ACTL8: variants seen among roughly 807,000 people sequenced by gnomAD.
ACTL8 encodes actin-like protein 8.
Under a neutral mutation model 9.3 loss-of-function variants are expected in ACTL8, and 3 were observed. That is an observed-to-expected ratio of 0.32 (90% CI 0.15 to 0.83). ACTL8 has a LOEUF of 0.83. Ranked by LOEUF, ACTL8 falls within the 40% of genes least tolerant of loss-of-function variation. The pLI is 0.57. For missense variants in ACTL8, 381 were observed against 492.2 expected (o/e 0.77, Z 2.14); for synonymous variants, 224 against 205.9 (o/e 1.09, Z -0.75).
In ACTL8 at chr1:17,823,931, A is replaced by C. The variant is rs2053687353; in HGVS notation, c.348+575A>C. ...TGGAATATTTGCTTATGGATTCCAT[A>C]ATTGCTGATACAGGCCATGTTCTGG... On this transcript the variant is annotated intron_variant, in intron 2 of 2. Coordinates refer to ENST00000375406, the MANE Select transcript of ACTL8 (RefSeq NM_030812.3). The surrounding 1 kb of genome is among the most constrained non-coding windows in gnomAD (Gnocchi z 5.3). 6.6e-6 allele frequency among the ~76,000 whole-genome samples: 1 copy of C among 152,188 alleles called. No individual in the cohort carries two copies. Among genetic ancestry groups the C allele is most frequent in the Non-Finnish European group, 1.5e-5 (1 of 68,036 alleles).
chr1:17,822,546 G>T (rs1166223021), intron 1 of ACTL8, among the ~76,000 whole-genome samples: 1 of 152,164 alleles, frequency 6.6e-6, no homozygotes, highest in Non-Finnish European at 1.5e-5. Context: ...ATTACTGAAG[G>T]TGGTGGCTCT....
At chr1:17,785,025 C>G (rs2066185636) in intron 1 of ACTL8, among the ~76,000 whole-genome samples, 1 of 152,168 alleles carries the variant, frequency 6.6e-6, no homozygotes, top group South Asian at 2.1e-4. Flanking sequence ...CTTTCTAAAG[C>G]TGTCAGATCT....
chr1:17,774,096 TTCTG>T (rs1223158414), intron 1 of ACTL8, among the ~76,000 whole-genome samples: 1 of 152,184 alleles, frequency 6.6e-6, no homozygotes, highest in Non-Finnish European at 1.5e-5. Context: ...TAGCGCCACC[TTCTG>T]TCTCACACTT....
At chr1:17,775,651 C>T (rs555230991) in intron 1 of ACTL8, among the ~76,000 whole-genome samples, 1 of 152,358 alleles carries the variant, frequency 6.6e-6, no homozygotes, top group South Asian at 2.1e-4. Flanking sequence ...CCACGTCAGT[C>T]CTCATCCTGA....
At chr1:17,797,495 G>A (rs1007358886) in intron 1 of ACTL8, among the ~76,000 whole-genome samples, 1 of 152,230 alleles carries the variant, frequency 6.6e-6, no homozygotes, top group African/African-American at 2.4e-5. Flanking sequence ...GTGCATCGGA[G>A]GCATTGCGCT....
chr1:17,780,279 C>G (rs1163754496), intron 1 of ACTL8, among the ~76,000 whole-genome samples: 2 of 152,162 alleles, frequency 1.3e-5, no homozygotes, highest in Non-Finnish European at 2.9e-5. Context: ...TGGCATTAGC[C>G]TGGGAAGACC....
intron 1 of ACTL8, among the ~76,000 whole-genome samples, chr1:17,812,999 T>A (rs1006821134): frequency 1.3e-5 from 2 of 152,242 alleles, no homozygotes; most frequent in African/African-American, 2.4e-5. Flanking sequence ...AACTTGTATC[T>A]TGTGACTTAG....
chr1:17,772,611 C>T (rs1334066357), intron 1 of ACTL8, among the ~76,000 whole-genome samples: 3 of 152,198 alleles, frequency 2.0e-5, no homozygotes, highest in African/African-American at 7.2e-5. Flanking sequence ...TCATGCTGGA[C>T]CGGAGAGAGG....
intron 1 of ACTL8, among the ~76,000 whole-genome samples, chr1:17,788,862 T>A (rs1377460967): frequency 6.6e-6 from 1 of 152,124 alleles, no homozygotes; most frequent in Non-Finnish European, 1.5e-5. Flanking sequence ...TTTTAGTACA[T>A]CTGAGGTGGG....
rs969946240 is a variant in ACTL8, at chr1:17,776,052, A to C, written c.-25+20548A>C. Among the ~76,000 whole-genome samples, 4 of 152,326 alleles carry C rather than the reference A, an allele frequency of 2.6e-5. No homozygotes were observed. In the South Asian group the frequency reaches 8.3e-4, roughly 32 times the overall value. The stretch of plus-strand genomic sequence containing the variant: ...AAGTGAAGTCTCTCACCCAGGTCAC[A>C]TAGCCTGTAAATGATGGGGACAGGA... On this transcript the variant is annotated intron_variant, in intron 1 of 2. Transcript: ENST00000375406.
intron 1 of ACTL8, among the ~76,000 whole-genome samples, chr1:17,761,498 C>T (rs6676457): frequency 0.27 from 40,471 of 151,838 alleles, 6,134 homozygotes; most frequent in Admixed American, 0.37. Flanking sequence ...TTCATAGCTT[C>T]GACTTTAAAG....
intron 1 of ACTL8, among the ~76,000 whole-genome samples, chr1:17,757,472 G>A (rs2065975665): frequency 8.0e-6 from 1 of 125,060 alleles, no homozygotes; most frequent in Non-Finnish European, 1.7e-5. Flanking sequence ...GTCACTCTGA[G>A]CCCACCCCCC....
intron 1 of ACTL8, among the ~76,000 whole-genome samples, chr1:17,802,758 A>C (rs1363434006): frequency 6.6e-6 from 1 of 152,094 alleles, no homozygotes; most frequent in East Asian, 1.9e-4. Flanking sequence ...CAAGGCAGGC[A>C]GATCACTTGA....
intron 1 of ACTL8, among the ~76,000 whole-genome samples, chr1:17,770,878 G>A (rs1479637295): frequency 6.6e-6 from 1 of 152,180 alleles, no homozygotes; most frequent in Non-Finnish European, 1.5e-5. Flanking sequence ...GGGGAAGTGG[G>A]TAGGATACAG....
Position 17,802,420 on chromosome 1 carries a change from C to T in ACTL8, c.-24-20565C>T, listed in dbSNP as rs889449450. 4.9e-3 allele frequency among the ~76,000 whole-genome samples: 618 copies of T among 126,398 alleles called. 6 individuals carry two copies. The highest frequency in any genetic ancestry group is 0.018 in the African/African-American group (570 of 30,832). 82.9% of individuals were successfully genotyped at this position (126,398 alleles called of 152,430 possible). A position where few individuals can be genotyped will look rare whatever the true frequency, so the allele number is the denominator to read the frequency against. On this transcript the variant is annotated intron_variant, in intron 1 of 2. Transcript: ENST00000375406. The stretch of plus-strand genomic sequence containing the variant: ...GAACAGCAGATCCCGGATGACTGTG[C>T]GTGCGTGTGTGTGTGTGTGTGTGTG...
intron 1 of ACTL8, among the ~76,000 whole-genome samples, chr1:17,799,282 C>T (rs1210653242): frequency 6.6e-6 from 1 of 152,320 alleles, no homozygotes; most frequent in African/African-American, 2.4e-5. Flanking sequence ...TGTGCCAGCA[C>T]CTGTTGGCGA....
At chr1:17,789,804 G>A (rs2066224925) in intron 1 of ACTL8, among the ~76,000 whole-genome samples, 1 of 152,164 alleles carries the variant, frequency 6.6e-6, no homozygotes, top group African/African-American at 2.4e-5. Flanking sequence ...TAAATGCCTG[G>A]CTCTGACCAT....
intron 1 of ACTL8, among the ~76,000 whole-genome samples, chr1:17,789,919 C>T (rs750883344): frequency 3.9e-5 from 6 of 152,228 alleles, no homozygotes; most frequent in African/African-American, 7.2e-5. Flanking sequence ...GCTCATTTCA[C>T]GCACTCAGCC....
At chr1:17,802,540 G>A (rs565980562) in intron 1 of ACTL8, among the ~76,000 whole-genome samples, 2 of 152,092 alleles carry the variant, frequency 1.3e-5, no homozygotes, top group Non-Finnish European at 2.9e-5. Flanking sequence ...TACTACCGCG[G>A]GTAAGGAACA....
Sources: allele counts gnomAD v4.1 joint callset (sites outside exome capture counted in the v4.1 genomes callset), GRCh38; gene constraint gnomAD v4.1.1; non-coding constraint Gnocchi (gnomAD v3.1); transcripts MANE v1.5; gene names NCBI Gene and HGNC (gene_info 2026-07-23, HGNC 2026-07-21).